Variants in PLXDC2 observed in about 807,000 individuals in gnomAD.
PLXDC2 encodes the protein plexin domain-containing protein 2.
PLXDC2 carries 40 observed loss-of-function variants against 68.9 expected under a neutral mutation model. That is an observed-to-expected ratio of 0.58 (90% CI 0.45 to 0.76). PLXDC2 has a LOEUF of 0.76. Among genes scored for constraint, PLXDC2 ranks in the 30% least tolerant of loss-of-function variants. The pLI is 0.00. For missense variants in PLXDC2, 644 were observed against 661.9 expected, an observed-to-expected ratio of 0.97 and a Z score of 0.30; for synonymous variants, 243 against 234.2, an observed-to-expected ratio of 1.04 and a Z score of -0.34.
chr10:20,258,345 T>A (rs886286101), intron 13 of PLXDC2, among the ~76,000 whole-genome samples: 2 of 152,070 alleles, frequency 1.3e-5, no homozygotes, highest in Non-Finnish European at 2.9e-5. Context: ...CGCCGAAGAC[T>A]GACTACTCTG....
intron 1 of PLXDC2, among the ~76,000 whole-genome samples, chr10:20,000,268 G>GTT (rs557279192): frequency 0.26 from 39,028 of 148,648 alleles, 5,299 homozygotes; most frequent in East Asian, 0.5. Flanking sequence ...ATGTACATGA[G>GTT]TTTTTTTTTT....
In PLXDC2 at chr10:20,054,560, G is replaced by A. The variant is rs1405558406; in HGVS notation, c.471+7545G>A. Among the ~76,000 whole-genome samples the A allele has an allele frequency of 2.0e-5, 3 of 152,104 alleles. No individual in the cohort carries two copies. The East Asian group carries it at 5.8e-4, about 29-fold the overall frequency. On this transcript the variant is annotated intron_variant, in intron 3 of 13. Coordinates refer to ENST00000377252, the MANE Select transcript of PLXDC2 (RefSeq NM_032812.9). ...GAGTTCATGTCCTTTGTAGGGACGT[G>A]GATGAAGCTGGAAACCATCGTTCTC...
chr10:20,213,149 T>A (rs965782118), intron 10 of PLXDC2, among the ~76,000 whole-genome samples: 10 of 152,230 alleles, frequency 6.6e-5, no homozygotes, highest in African/African-American at 2.2e-4. Flanking sequence ...CATCTAGGTG[T>A]TATTTTTGTG....
At chr10:20,258,843 CA>C (rs1342285556) in intron 13 of PLXDC2, among the ~76,000 whole-genome samples, 2 of 151,526 alleles carry the variant, frequency 1.3e-5, no homozygotes, top group Non-Finnish European at 2.9e-5. Context: ...CCGTCTCTAC[CA>C]AAAAATAGAA....
rs1191613913 is a variant in PLXDC2, at chr10:20,230,693, C to CAA, written c.1312+11611_1312+11612dup. Among the ~76,000 whole-genome samples, 51 of 37,782 alleles carry CAA rather than the reference C, an allele frequency of 1.3e-3. 4 individuals carry two copies. The highest frequency in any genetic ancestry group is 3.1e-3 in the African/African-American group (34 of 11,086). The allele number at this position is 37,782 out of a possible 152,430, so 24.8% of individuals were successfully genotyped here. A position where few individuals can be genotyped will look rare whatever the true frequency, so the allele number is the denominator to read the frequency against. On this transcript the variant is annotated intron_variant, in intron 12 of 13. Coordinates refer to ENST00000377252, the MANE Select transcript of PLXDC2 (RefSeq NM_032812.9). ...TGGGCTACAGAGTGAGACCTTGTCT[C>CAA]AAAAAAAAAAAAAAAAAAAAACAGG...
At chr10:20,181,881 G>A (rs1014211467) in intron 9 of PLXDC2, among the ~76,000 whole-genome samples, 2 of 151,986 alleles carry the variant, frequency 1.3e-5, no homozygotes, top group African/African-American at 4.8e-5. Context: ...GCTGCTTCAT[G>A]GAGAACAGAG....
At chr10:19,855,876 G>A (rs776926314) in intron 1 of PLXDC2, among the ~76,000 whole-genome samples, 1 of 152,120 alleles carries the variant, frequency 6.6e-6, no homozygotes, top group Non-Finnish European at 1.5e-5. Flanking sequence ...ATGAAGTCAG[G>A]AGATCAAGAC....
At chr10:20,258,563 T>C (rs1019020894) in intron 13 of PLXDC2, among the ~76,000 whole-genome samples, 2 of 152,200 alleles carry the variant, frequency 1.3e-5, no homozygotes, top group East Asian at 3.9e-4. Context: ...ATAGTAAAAC[T>C]ATTGCTGATG....
intron 4 of PLXDC2, among the ~76,000 whole-genome samples, chr10:20,120,500 T>C (rs935782828): frequency 6.6e-5 from 10 of 152,190 alleles, no homozygotes; most frequent in African/African-American, 1.9e-4. Context: ...TGGTCTGTTA[T>C]CAGACTGTAT....
At chr10:20,179,241 G>A (rs1160145709) in intron 9 of PLXDC2, among the ~76,000 whole-genome samples, 3 of 152,084 alleles carry the variant, frequency 2.0e-5, no homozygotes, top group Admixed American at 6.6e-5. Flanking sequence ...TGGGCAAGCC[G>A]CCATCATTAG....
At position 20,197,334 on chromosome 10, in the gene PLXDC2, T is replaced by C. The variant is rs1300993830; in HGVS notation, c.1062-14335T>C. On this transcript the variant is annotated intron_variant, in intron 9 of 13. Coordinates refer to ENST00000377252, the MANE Select transcript of PLXDC2 (RefSeq NM_032812.9). ...TATCAGCTTCAGATTATTATTTATC[T>C]TTGAAGATCTATGGTGATTGTTTTT... 2.6e-5 allele frequency among the ~76,000 whole-genome samples: 4 copies of C among 152,096 alleles called. No homozygotes were observed. In the East Asian group the frequency reaches 7.7e-4, roughly 29 times the overall value.
At chr10:20,164,444 G>GT in intron 6 of PLXDC2, 24 bp from the exon 7 acceptor site, 1 of 1,562,170 alleles carries the variant, frequency 6.4e-7, no homozygotes, top group Non-Finnish European at 8.8e-7. Flanking sequence ...CTAACATATA[G>GT]TTACCTGCTT....
At chr10:19,945,050 A>T (rs1263559778) in intron 1 of PLXDC2, among the ~76,000 whole-genome samples, 1 of 152,212 alleles carries the variant, frequency 6.6e-6, no homozygotes, top group Admixed American at 6.5e-5. Flanking sequence ...GCCACCTTTG[A>T]TTGGCCAAAA....
At chr10:19,995,093 C>A (rs956444452) in intron 1 of PLXDC2, among the ~76,000 whole-genome samples, 1 of 152,076 alleles carries the variant, frequency 6.6e-6, no homozygotes, top group African/African-American at 2.4e-5. Context: ...TGCCAATGTC[C>A]ATGCTTGTAT....
chr10:19,850,278 G>T (rs1361575758), intron 1 of PLXDC2, among the ~76,000 whole-genome samples: 4 of 142,748 alleles, frequency 2.8e-5, no homozygotes, highest in African/African-American at 5.1e-5. Flanking sequence ...TAACTGATAG[G>T]TTTTTTTTTT....
intron 1 of PLXDC2, among the ~76,000 whole-genome samples, chr10:19,862,049 T>A (rs981117331): frequency 2.0e-5 from 3 of 152,208 alleles, no homozygotes; most frequent in Non-Finnish European, 2.9e-5. Context: ...ATTCTTCACA[T>A]AGGAGATAAG....
chr10:20,160,261 C>T lies in PLXDC2; in HGVS notation c.784-4207C>T, dbSNP rs116200579. ...TGTCTAATCCCCAATTATATTAAGACTCATAGTAGAGTTATATGGTAGTGG... is the reference window on the plus strand; with the variant it reads ...TGTCTAATCCCCAATTATATTAAGATTCATAGTAGAGTTATATGGTAGTGG... On this transcript the variant is annotated intron_variant, in intron 6 of 13. Coordinates refer to ENST00000377252, the MANE Select transcript of PLXDC2 (RefSeq NM_032812.9). Among the ~76,000 whole-genome samples, 1,270 of 152,110 alleles carry T rather than the reference C, an allele frequency of 8.3e-3. 18 individuals are homozygous for T. Among genetic ancestry groups the T allele is most frequent in the African/African-American group, 0.029 (1,189 of 41,478 alleles).
chr10:19,830,293 CCA>C (rs1474975951), intron 1 of PLXDC2, among the ~76,000 whole-genome samples: 3 of 152,178 alleles, frequency 2.0e-5, no homozygotes, highest in Non-Finnish European at 4.4e-5. Flanking sequence ...TCTCTTAGTA[CCA>C]CACTCAGGGA....
intron 4 of PLXDC2, among the ~76,000 whole-genome samples, chr10:20,100,910 G>T (rs1215149132): frequency 1.3e-5 from 2 of 151,856 alleles, no homozygotes; most frequent in Admixed American, 1.3e-4. Context: ...TTAACAGCAC[G>T]TTGTGAATTG....
Sources: allele counts gnomAD v4.1 joint callset (sites outside exome capture counted in the v4.1 genomes callset), GRCh38; gene constraint gnomAD v4.1.1; transcripts MANE v1.5; gene names NCBI Gene and HGNC (gene_info 2026-07-23, HGNC 2026-07-21).